AUTS2: variants seen among roughly 807,000 people sequenced by gnomAD.
The protein encoded by AUTS2 is activator of transcription and developmental regulator AUTS2, also known as autism susceptibility gene 2 protein.
Under a neutral mutation model 112.4 loss-of-function variants are expected in AUTS2, and 17 were observed. The ratio of observed to expected loss-of-function variants is 0.15; its 90% CI spans 0.10 to 0.23. The LOEUF is 0.23. AUTS2 is among the 10% of genes least tolerant of loss of function. The pLI is 1.00. For synonymous variants in AUTS2, 751 were observed against 702.7 expected (o/e 1.07, Z -1.09); for missense variants, 1,510 against 1,701.6 (o/e 0.89, Z 1.98).
At chr7:70,779,954 G>A (rs1247889850) in intron 14 of AUTS2, among the ~76,000 whole-genome samples, 1 of 151,884 alleles carries the variant, frequency 6.6e-6, no homozygotes, top group African/African-American at 2.4e-5. Context: ...GCAAGAGGAT[G>A]CAGTGAACTA....
intron 4 of AUTS2, among the ~76,000 whole-genome samples, chr7:70,263,746 T>G (rs1159743391): frequency 6.6e-6 from 1 of 152,220 alleles, no homozygotes; most frequent in Non-Finnish European, 1.5e-5. Flanking sequence ...GTAGTGCTTT[T>G]GATTCTTCCC....
intron 2 of AUTS2, among the ~76,000 whole-genome samples, chr7:69,955,738 C>T (rs778064483): frequency 2.4e-4 from 36 of 152,124 alleles, no homozygotes; most frequent in Non-Finnish European, 3.7e-4. Flanking sequence ...TGTTCCGTGG[C>T]ATGGGCAGGG....
intron 4 of AUTS2, among the ~76,000 whole-genome samples, chr7:70,233,368 C>G (rs1238536377): frequency 6.6e-6 from 1 of 152,114 alleles, no homozygotes; most frequent in African/African-American, 2.4e-5. Flanking sequence ...ATTAGAGTTG[C>G]AATGGTATAG....
intron 1 of AUTS2, among the ~76,000 whole-genome samples, chr7:69,756,094 A>C (rs184397417): frequency 2.0e-5 from 3 of 152,236 alleles, no homozygotes; most frequent in African/African-American, 7.2e-5. Flanking sequence ...AACTGTAGGT[A>C]GTAAAGTGGC....
At chr7:70,709,948 C>A (rs971218240) in intron 6 of AUTS2, among the ~76,000 whole-genome samples, 2 of 152,082 alleles carry the variant, frequency 1.3e-5, no homozygotes, top group African/African-American at 4.8e-5. Context: ...GGGGATTGAG[C>A]CCCGGCACAA....
At chr7:70,292,300 C>T (rs540211629) in intron 4 of AUTS2, 2 of 152,226 alleles carry the variant, frequency 1.3e-5, no homozygotes, top group Non-Finnish European at 2.9e-5. Context: ...ATCTGCATCA[C>T]CTGCTGCACA....
chr7:70,439,884 A>G (rs746084167), intron 5 of AUTS2, among the ~76,000 whole-genome samples: 5 of 152,278 alleles, frequency 3.3e-5, no homozygotes, highest in Non-Finnish European at 7.3e-5. Context: ...TGTTCTACCC[A>G]CACCCTTTTT....
intron 4 of AUTS2, among the ~76,000 whole-genome samples, chr7:70,268,463 A>C (rs1488357389): frequency 6.6e-6 from 1 of 152,194 alleles, no homozygotes; most frequent in African/African-American, 2.4e-5. Flanking sequence ...GATAGGGACC[A>C]TTATTTGTTT....
At chr7:70,064,170 C>T (rs1802383506) in intron 2 of AUTS2, among the ~76,000 whole-genome samples, 1 of 152,156 alleles carries the variant, frequency 6.6e-6, no homozygotes, top group Non-Finnish European at 1.5e-5. Flanking sequence ...TCCCGCTTGT[C>T]TGTCCTCTGT....
At chr7:70,557,830 A>AGGAT (rs760908632) in intron 5 of AUTS2, among the ~76,000 whole-genome samples, 1 of 152,218 alleles carries the variant, frequency 6.6e-6, no homozygotes, top group Non-Finnish European at 1.5e-5. Context: ...AGGCAACGAT[A>AGGAT]GGATGACTCC....
At chr7:70,198,501 C>A (rs1810312134) in intron 4 of AUTS2, among the ~76,000 whole-genome samples, 1 of 143,362 alleles carries the variant, frequency 7.0e-6, no homozygotes, top group Admixed American at 7.0e-5. Flanking sequence ...CTTAAAGGAG[C>A]TGATGGAGCT....
At chr7:70,707,248 TA>T (rs1415798881) in intron 6 of AUTS2, among the ~76,000 whole-genome samples, 2 of 152,234 alleles carry the variant, frequency 1.3e-5, no homozygotes, top group Admixed American at 1.3e-4. Context: ...AAACTGAAGT[TA>T]GATATGAATA....
intron 6 of AUTS2, among the ~76,000 whole-genome samples, chr7:70,737,033 C>T (rs1787818003): frequency 6.6e-6 from 1 of 152,200 alleles, no homozygotes; most frequent in Non-Finnish European, 1.5e-5. Context: ...GTTTTACTCT[C>T]AAGTGACTAA....
chr7:70,478,096 T>TTAATA (rs1797650617), intron 5 of AUTS2, among the ~76,000 whole-genome samples: 1 of 152,234 alleles, frequency 6.6e-6, no homozygotes. Context: ...TGACCTGGAC[T>TTAATA]GCTGTGCAGA....
At chr7:69,991,681 A>G (rs1381987576) in intron 2 of AUTS2, among the ~76,000 whole-genome samples, 1 of 152,194 alleles carries the variant, frequency 6.6e-6, no homozygotes, top group Non-Finnish European at 1.5e-5. Flanking sequence ...TAAATGCTAT[A>G]TGGTATGATA....
At chr7:70,689,708 G>A (rs965231376) in intron 5 of AUTS2, among the ~76,000 whole-genome samples, 5 of 150,618 alleles carry the variant, frequency 3.3e-5, no homozygotes, top group South Asian at 2.1e-4. Flanking sequence ...CCCGGGAGGC[G>A]GGGCTTGCAG....
chr7:70,445,222 G>A (rs2130980771), intron 5 of AUTS2, among the ~76,000 whole-genome samples: 1 of 152,202 alleles, frequency 6.6e-6, no homozygotes, highest in South Asian at 2.1e-4. Flanking sequence ...AGAAAAATGA[G>A]GCATAAGTGA....
intron 5 of AUTS2, chr7:70,596,244 G>C (rs1373316440): frequency 6.6e-6 from 1 of 152,340 alleles, no homozygotes; most frequent in African/African-American, 2.4e-5. Context: ...GATCGCTCGC[G>C]TCTGATCGCC....
At chr7:70,079,859 T>C (rs191485238) in intron 2 of AUTS2, among the ~76,000 whole-genome samples, 7 of 152,260 alleles carry the variant, frequency 4.6e-5, no homozygotes, top group Non-Finnish European at 7.4e-5. Flanking sequence ...TTCTGGAGAC[T>C]GGGAAGTTCA....
Sources: gnomAD v4.1 joint callset for allele counts (sites outside exome capture counted in the v4.1 genomes callset) on GRCh38, gnomAD v4.1.1 for gene constraint, MANE v1.5 for transcripts, NCBI Gene and HGNC (gene_info 2026-07-23, HGNC 2026-07-21) for gene names.